The following LRCH1 variants were observed in gnomAD, a reference collection of about 807,000 sequenced individuals.
LRCH1 encodes leucine-rich repeat and calponin homology domain-containing protein 1.
In LRCH1, 23 loss-of-function variants were observed where a neutral mutation model predicts 94.9. The observed-to-expected ratio is 0.24, with a 90% confidence interval of 0.17 to 0.34. The LOEUF (loss-of-function observed/expected upper bound fraction) is 0.34, where lower values mean the gene tolerates loss of function less well. Among genes scored for constraint, LRCH1 ranks in the 10% least tolerant of loss-of-function variants. LRCH1 has a pLI of 1.00. For missense variants in LRCH1, 790 were observed against 945.9 expected, an observed-to-expected ratio of 0.84 and a Z score of 2.16; for synonymous variants, 364 against 354.9, an observed-to-expected ratio of 1.03 and a Z score of -0.29.
chr13:46,735,292 C>A (rs1161068436), intron 19 of LRCH1, among the ~76,000 whole-genome samples: 1 of 152,172 alleles, frequency 6.6e-6, no homozygotes, highest in Non-Finnish European at 1.5e-5. Flanking sequence ...CACTTACATA[C>A]CTTTTCTAAT....
At chr13:46,711,012 C>T (rs753748565) in intron 13 of LRCH1, among the ~76,000 whole-genome samples, 7 of 152,130 alleles carry the variant, frequency 4.6e-5, no homozygotes, top group Non-Finnish European at 7.3e-5. Context: ...TGGACTCAGG[C>T]ACCCCATAAA....
chr13:46,642,751 C>G (rs1216974106), intron 1 of LRCH1, among the ~76,000 whole-genome samples: 1 of 152,198 alleles, frequency 6.6e-6, no homozygotes, highest in African/African-American at 2.4e-5. Flanking sequence ...AGGACAGCAG[C>G]ATCTGTGGAG....
At chr13:46,672,140 A>G (rs2051608496) in intron 3 of LRCH1, among the ~76,000 whole-genome samples, 1 of 152,204 alleles carries the variant, frequency 6.6e-6, no homozygotes, top group Non-Finnish European at 1.5e-5. Flanking sequence ...ACCATACAGT[A>G]TGTAGCCTTT....
intron 1 of LRCH1, among the ~76,000 whole-genome samples, chr13:46,646,098 A>T (rs1244250764): frequency 6.6e-6 from 1 of 152,132 alleles, no homozygotes. Flanking sequence ...AGACTTCTGG[A>T]ATTCTTTTCT....
At chr13:46,623,671 A>G (rs981851458) in intron 1 of LRCH1, among the ~76,000 whole-genome samples, 2 of 147,178 alleles carry the variant, frequency 1.4e-5, no homozygotes, top group African/African-American at 5.0e-5. Context: ...GACTCAAAGA[A>G]TAATTTGTGT....
intron 1 of LRCH1, among the ~76,000 whole-genome samples, chr13:46,591,616 T>G (rs1594268754): frequency 6.6e-6 from 1 of 152,238 alleles, no homozygotes; most frequent in Admixed American, 6.5e-5. Context: ...TTTGGAGAGC[T>G]CTGGGTTTAG....
rs117206598 is a variant in LRCH1, at chr13:46,663,407, C to T, written c.453-5623C>T. ...TGGTGGAATGTAGGGGAAGGGCAGG[C>T]AATGAAGGGGAAGCACTCAGTCATT... On this transcript the variant is annotated intron_variant, in intron 2 of 19. Coordinates refer to ENST00000389797, the MANE Select transcript of LRCH1 (RefSeq NM_001164211.2). 3.3e-5 allele frequency among the ~76,000 whole-genome samples: 5 copies of T among 151,994 alleles called. No individual in the cohort carries two copies. In the East Asian group the frequency reaches 9.7e-4, roughly 29 times the overall value.
intron 1 of LRCH1, among the ~76,000 whole-genome samples, chr13:46,610,826 T>C (rs913816659): frequency 1.3e-5 from 2 of 152,224 alleles, no homozygotes; most frequent in African/African-American, 4.8e-5. Context: ...CAGATATGTG[T>C]CCGTCTGACA....
intron 1 of LRCH1, among the ~76,000 whole-genome samples, chr13:46,560,399 A>G (rs1189250071): frequency 6.6e-6 from 1 of 152,130 alleles, no homozygotes; most frequent in Non-Finnish European, 1.5e-5. Context: ...CTTTTTGGAA[A>G]ATTGAACGTC....
chr13:46,596,178 G>A (rs2050561087), intron 1 of LRCH1, among the ~76,000 whole-genome samples: 1 of 152,116 alleles, frequency 6.6e-6, no homozygotes, highest in African/African-American at 2.4e-5. Flanking sequence ...TTTTCCCTGG[G>A]AACACATCTT....
At chr13:46,732,111 A>T (rs1008063590) in intron 18 of LRCH1, among the ~76,000 whole-genome samples, 8 of 152,234 alleles carry the variant, frequency 5.3e-5, no homozygotes, top group Non-Finnish European at 1.2e-4. Flanking sequence ...CAATAAATGC[A>T]GTTGTATCTG....
At chr13:46,699,081 C>A (rs940905093) in intron 9 of LRCH1, among the ~76,000 whole-genome samples, 1 of 152,220 alleles carries the variant, frequency 6.6e-6, no homozygotes, top group South Asian at 2.1e-4. Context: ...GCTTATTGCA[C>A]GTAGCATAAT....
chr13:46,674,719 A>G (rs943250907), intron 3 of LRCH1, among the ~76,000 whole-genome samples: 1 of 152,232 alleles, frequency 6.6e-6, no homozygotes, highest in Non-Finnish European at 1.5e-5. Flanking sequence ...GTATTATTTC[A>G]TATAGTCTTG....
intron 1 of LRCH1, among the ~76,000 whole-genome samples, chr13:46,619,113 T>TTTCTTCC (rs2050849709): frequency 1.1e-5 from 1 of 91,068 alleles, no homozygotes; most frequent in African/African-American, 4.7e-5. Context: ...CCTTCCTTCC[T>TTTCTTCC]TTTTTTTGGT....
intron 19 of LRCH1, among the ~76,000 whole-genome samples, chr13:46,739,338 G>A (rs532547862): frequency 6.6e-6 from 1 of 152,026 alleles, no homozygotes; most frequent in African/African-American, 2.4e-5. Context: ...TTGCCTCTGG[G>A]GACTCTTAGT....
At chr13:46,733,345 A>G (rs1264358935) in intron 18 of LRCH1, among the ~76,000 whole-genome samples, 1 of 152,186 alleles carries the variant, frequency 6.6e-6, no homozygotes, top group African/African-American at 2.4e-5. Context: ...CACCATTTTC[A>G]GTGCTGTTTA....
chr13:46,672,349 A>G (rs2051611945), intron 3 of LRCH1, among the ~76,000 whole-genome samples: 1 of 148,346 alleles, frequency 6.7e-6, no homozygotes, highest in Non-Finnish European at 1.5e-5. Flanking sequence ...TTTTTTTTTC[A>G]TTATTTGAGG....
chr13:46,589,962 C>T (rs2050481414), intron 1 of LRCH1, among the ~76,000 whole-genome samples: 1 of 150,494 alleles, frequency 6.6e-6, no homozygotes, highest in Admixed American at 6.6e-5. Context: ...CCTTGGAGGA[C>T]ATCCCACATG....
chr13:46,750,582 C>G (rs1412271141), exon 19 of LRCH1: 1 of 1,552,076 alleles, frequency 6.4e-7, no homozygotes. Context: ...AGAAAAAGGC[C>G]TGGTCAAAGT....
Sources: gnomAD v4.1 joint callset for allele counts (sites outside exome capture counted in the v4.1 genomes callset) on GRCh38, gnomAD v4.1.1 for gene constraint, MANE v1.5 for transcripts, NCBI Gene and HGNC (gene_info 2026-07-23, HGNC 2026-07-21) for gene names.